MEP1B: variants seen among roughly 807,000 people sequenced by gnomAD.
The protein encoded by MEP1B is N-benzoyl-L-tyrosyl-P-amino-benzoic acid hydrolase subunit beta.
Under a neutral mutation model 84.6 loss-of-function variants are expected in MEP1B, and 80 were observed. The observed-to-expected ratio is 0.95, with a 90% CI of 0.79 to 1.14. The LOEUF is 1.14. Ranked by LOEUF, MEP1B falls within the 50% of genes most tolerant of loss-of-function variation. The pLI, the probability that MEP1B is intolerant of heterozygous loss-of-function variation, is 0.00. For missense variants in MEP1B, 766 were observed against 855.1 expected (o/e 0.90, Z 1.30); for synonymous variants, 273 against 288.1 (o/e 0.95, Z 0.53).
chr18:32,192,796 G>C lies in MEP1B; in HGVS notation c.150G>C (p.Glu50Asp), dbSNP rs2289544. The change falls in exon 4 of 15, where the codon GAG becomes GAC. Residue 50 changes from glutamate to aspartate, a missense_variant. Coordinates refer to ENST00000269202, the MANE Select transcript of MEP1B (RefSeq NM_005925.3). Reference protein sequence around the residue: ...INEGLGLDLFEGDIRLDRAQI... With the variant: ...INEGLGLDLFDGDIRLDRAQI... ...TAGGTTTGGGACTGGATCTTTTTGAGGGTGACATCAGACTTGATAGGGTGA... is the reference window on the plus strand; with the variant it reads ...TAGGTTTGGGACTGGATCTTTTTGACGGTGACATCAGACTTGATAGGGTGA... 2 of 1,612,704 alleles carry C rather than the reference G, an allele frequency of 1.2e-6. No individual in the cohort carries two copies. Among genetic ancestry groups the C allele is most frequent in the Non-Finnish European group, 1.7e-6 (2 of 1,179,312 alleles).
chr18:32,199,893 C>T (rs755292829), intron 5 of MEP1B, among the ~76,000 whole-genome samples: 17 of 152,298 alleles, frequency 1.1e-4, no homozygotes, highest in Non-Finnish European at 2.1e-4. Context: ...CCACCCACCT[C>T]GGCCTCCCGA....
chr18:32,220,230 G>A lies in MEP1B; in HGVS notation c.2092-1G>A, dbSNP rs1290536295. 3 of 1,607,190 alleles carry A rather than the reference G, an allele frequency of 1.9e-6. No homozygotes were observed. The highest frequency in any genetic ancestry group is 2.6e-6 in the Non-Finnish European group (3 of 1,176,210). Reference sequence around the variant, plus strand: ...TCATCAATTGTTCTTTCCCCTTTTAGCAGCATGCTTTTTGAAGATTAACTC... The same window carrying A: ...TCATCAATTGTTCTTTCCCCTTTTAACAGCATGCTTTTTGAAGATTAACTC... On this transcript the variant is annotated splice_acceptor_variant, in intron 14 of 14. Transcript: ENST00000269202. LOFTEE classifies it high-confidence loss of function.
In MEP1B at chr18:32,208,236, C is replaced by T. The variant is rs769353542; in HGVS notation, c.884C>T (p.Pro295Leu). ...CGGGTTTCACAGGTTCCCAGGGGGCCAGAGAGTGATCACTCCAACATGGGC... is the reference window on the plus strand; with the variant it reads ...CGGGTTTCACAGGTTCCCAGGGGGCTAGAGAGTGATCACTCCAACATGGGC... ...WQRVSQVPRGPESDHSNMGQC... is the reference protein window; with the variant it reads ...WQRVSQVPRGLESDHSNMGQC... Residue 295 changes from proline (P) to leucine (L), a missense_variant, in exon 9 of 15, where the codon CCA becomes CTA. Physicochemically the swap from Pro to Leu is moderately conservative, Grantham distance 98. Transcript: ENST00000269202. 2 of 1,613,762 alleles carry T rather than the reference C, an allele frequency of 1.2e-6. No individual in the cohort carries two copies. The highest frequency in any genetic ancestry group is 1.7e-6 in the Non-Finnish European group (2 of 1,179,786).
Position 32,195,417 on chromosome 18 carries a change from G to A in MEP1B, c.182G>A (p.Arg61Lys), listed in dbSNP as rs758367912. Residue 61 changes from arginine (R) to lysine (K), a missense_variant, in exon 5 of 15, where the codon AGA becomes AAA. Coordinates refer to ENST00000269202, the MANE Select transcript of MEP1B (RefSeq NM_005925.3). Reference sequence around the variant, plus strand: ...ATTTATTTTTGACAGGCACAAATTAGAAATTCCATCATTGGAGAAAAGTAT... The same window carrying A: ...ATTTATTTTTGACAGGCACAAATTAAAAATTCCATCATTGGAGAAAAGTAT... ...GDIRLDRAQIRNSIIGEKYRW... is the reference protein window; with the variant it reads ...GDIRLDRAQIKNSIIGEKYRW... 7 of 1,609,962 alleles carry A rather than the reference G, an allele frequency of 4.3e-6. No individual in the cohort carries two copies. The highest frequency in any genetic ancestry group is 3.3e-5 in the Admixed American group (2 of 59,814).
rs749451038 is a variant in MEP1B, at chr18:32,215,137, CT to C, written c.1636del (p.Ser546LeufsTer18). 1.2e-6 allele frequency: 2 copies of C among 1,609,504 alleles called. No individual in the cohort carries two copies. The highest frequency in any genetic ancestry group is 2.2e-5 in the South Asian group (2 of 90,556). On this transcript the variant is annotated frameshift_variant, in exon 12 of 15. Transcript: ENST00000269202. LOFTEE classifies it high-confidence loss of function. The stretch of plus-strand genomic sequence containing the variant: ...CTAAAGTGGGAACAGTGGCTTTGTT[CT>C]CTAATGGAACTCAGTTTAGAAGAGG... ...PSKVGTVALF[S>X]NGTQFRRGGG...
chr18:32,213,088 C>T (rs1158368413), intron 10 of MEP1B, 28 bp from the exon 11 acceptor site: 30 of 1,595,190 alleles, frequency 1.9e-5, no homozygotes, highest in African/African-American at 2.7e-5. Context: ...ACTTCTTTGT[C>T]TTTGAAATAA....
At chr18:32,202,769 G>T (rs2040924769) in intron 5 of MEP1B, 124 bp from the exon 6 acceptor site, 1 of 615,826 alleles carries the variant, frequency 1.6e-6, no homozygotes, top group Non-Finnish European at 2.9e-6. Context: ...AAAAATAAAA[G>T]ACTCAACATT....
At chr18:32,202,474 G>C (rs550720161) in intron 5 of MEP1B, among the ~76,000 whole-genome samples, 6 of 152,274 alleles carry the variant, frequency 3.9e-5, no homozygotes, top group Non-Finnish European at 8.8e-5. Context: ...TACTATTTCA[G>C]GGTATTCATA....
intron 8 of MEP1B, 77 bp from the exon 9 acceptor site, chr18:32,208,042 A>G: frequency 2.2e-5 from 32 of 1,485,350 alleles, no homozygotes; most frequent in Non-Finnish European, 2.9e-5. Flanking sequence ...CATTTCTAAT[A>G]CTGTGATAAG....
chr18:32,198,538 C>A (rs1055975457), intron 5 of MEP1B, among the ~76,000 whole-genome samples: 3 of 152,134 alleles, frequency 2.0e-5, no homozygotes, highest in Non-Finnish European at 2.9e-5. Flanking sequence ...GCTAGTGTGG[C>A]CTCTGATAGC....
chr18:32,213,549 T>C lies in MEP1B; in HGVS notation c.1569T>C (p.Phe523=), dbSNP rs770341503. The C allele has an allele frequency of 6.2e-7, 1 of 1,608,788 alleles. No individual in the cohort carries two copies. Among genetic ancestry groups the C allele is most frequent in the South Asian group, 1.1e-5 (1 of 90,988 alleles). Residue 523 remains phenylalanine, a synonymous_variant, in exon 11 of 15, where the codon TTT becomes TTC. Transcript: ENST00000269202. The part of the protein sequence containing the change: ...SNQRSITTDP[F]MTTDNGNYFW... ...AGCGGAGTATAACTACAGACCCATT[T>C]ATGACCACCGGTTCGTAACTCATTT...
chr18:32,195,407 G>A lies in MEP1B; in HGVS notation c.172G>A (p.Ala58Thr). 1 of 1,601,788 alleles carries A rather than the reference G, an allele frequency of 6.2e-7. No homozygotes were observed. Among genetic ancestry groups the A allele is most frequent in the Middle Eastern group, 1.7e-4 (1 of 6,048 alleles). ...LFEGDIRLDR[A>T]QIRNSIIGEK... is the part of the protein sequence containing the mutation. ...GCCCTTTTGCATTTATTTTTGACAG[G>A]CACAAATTAGAAATTCCATCATTGG... is the stretch of plus-strand genomic sequence containing the variant. The change falls in exon 5 of 15, where the codon GCA (alanine) becomes ACA (threonine). Residue 58 changes from alanine (A) to threonine (T), a missense_variant and splice_region_variant. Physicochemically the swap from Ala to Thr is moderately conservative, Grantham distance 58. Transcript: ENST00000269202.
At chr18:32,203,038 C>A in intron 6 of MEP1B, 28 bp downstream of exon 6, 1 of 1,342,954 alleles carries the variant, frequency 7.4e-7, no homozygotes, top group Non-Finnish European at 1.1e-6. Context: ...TCTTCTAAGG[C>A]ATCTAAGGAG....
chr18:32,213,280 A>G lies in MEP1B; in HGVS notation c.1300A>G (p.Ile434Val). The change falls in exon 11 of 15, where the codon ATA becomes GTA. Residue 434 changes from isoleucine to valine, a missense_variant. Ile to Val is a conservative substitution (Grantham distance 29). Transcript: ENST00000269202. Reference sequence around the variant, plus strand: ...ACGGTGCCCTCATCATATCTGGCATATAAGGAATTTCACACAGTTCATTGG... The same window carrying G: ...ACGGTGCCCTCATCATATCTGGCATGTAAGGAATTTCACACAGTTCATTGG... ...ETRCPHHIWHIRNFTQFIGSP... is the reference protein window; with the variant it reads ...ETRCPHHIWHVRNFTQFIGSP... 6.2e-7 allele frequency: 1 copy of G among 1,614,002 alleles called. No individual in the cohort carries two copies. Among genetic ancestry groups the G allele is most frequent in the Non-Finnish European group, 8.5e-7 (1 of 1,179,862 alleles).
intron 6 of MEP1B, among the ~76,000 whole-genome samples, chr18:32,203,855 T>C (rs1372727371): frequency 6.7e-6 from 1 of 150,252 alleles, no homozygotes; most frequent in East Asian, 2.0e-4. Context: ...GAGGGGGAGG[T>C]GCTACACACT....
chr18:32,217,889 T>C lies in MEP1B; in HGVS notation c.2015T>C (p.Leu672Pro). The C allele has an allele frequency of 1.2e-6, 2 of 1,613,946 alleles. No homozygotes were observed. The highest frequency in any genetic ancestry group is 1.7e-6 in the Non-Finnish European group (2 of 1,179,878). ...AVFALMLIIT[L>P]VSVYCTRKKY... Reference sequence around the variant, plus strand: ...TTTGCCTTGATGCTGATCATCACCCTTGTCAGTGTCTATTGCACCAGGAAG... The same window carrying C: ...TTTGCCTTGATGCTGATCATCACCCCTGTCAGTGTCTATTGCACCAGGAAG... The change falls in exon 14 of 15, where the codon CTT (leucine) becomes CCT (proline). Residue 672 changes from leucine (L) to proline (P), a missense_variant. Physicochemically the swap from Leu to Pro is moderately conservative, Grantham distance 98 (BLOSUM62 -3). Transcript: ENST00000269202.
chr18:32,201,223 T>C (rs1161947785), intron 5 of MEP1B, among the ~76,000 whole-genome samples: 1 of 151,988 alleles, frequency 6.6e-6, no homozygotes, highest in Non-Finnish European at 1.5e-5. Context: ...TTGAAGGAAA[T>C]ATTACATTTG....
intron 5 of MEP1B, among the ~76,000 whole-genome samples, chr18:32,199,291 C>T (rs1436645316): frequency 6.6e-6 from 1 of 152,086 alleles, no homozygotes; most frequent in Non-Finnish European, 1.5e-5. Context: ...AGCAGGTGCT[C>T]CATAGATAAC....
rs1463407344 is a variant in MEP1B at position 32,195,492 on chromosome 18, A to G, written c.250+7A>G. 5 of 1,560,844 alleles carry G rather than the reference A, an allele frequency of 3.2e-6. No individual in the cohort carries two copies. Among genetic ancestry groups the G allele is most frequent in the Non-Finnish European group, 4.4e-6 (5 of 1,133,556 alleles). On this transcript the variant is annotated splice_region_variant and intron_variant, in intron 5 of 14. Coordinates refer to ENST00000269202, the MANE Select transcript of MEP1B (RefSeq NM_005925.3). ...GTTCTAGAAGATAGCTTGGGTTAGT[A>G]TGCACCTTGAAGTATCCATAACTAA...
Sources: allele counts gnomAD v4.1 joint callset (sites outside exome capture counted in the v4.1 genomes callset), GRCh38; gene constraint gnomAD v4.1.1; transcripts MANE v1.5; gene names NCBI Gene and HGNC (gene_info 2026-07-23, HGNC 2026-07-21).